The following FARS2 variants were observed in gnomAD, a reference collection of about 807,000 sequenced individuals.
The protein encoded by FARS2 is phenylalanyl-tRNA synthetase 2, mitochondrial, also known as phenylalanine--tRNA ligase, mitochondrial.
Under a neutral mutation model 46.4 loss-of-function variants are expected in FARS2, and 40 were observed. The observed-to-expected ratio is 0.86, with a 90% CI of 0.67 to 1.12. The LOEUF (loss-of-function observed/expected upper bound fraction) is 1.12. Among genes scored for constraint, FARS2 ranks in the 50% most tolerant of loss-of-function variants. The pLI is 0.00. For missense variants in FARS2, 513 were observed against 567.9 expected (o/e 0.90, Z 0.98); for synonymous variants, 234 against 214.9 (o/e 1.09, Z -0.78).
At chr6:5,291,177 G>C (rs920016433) in intron 1 of FARS2, 2 of 152,228 alleles carry the variant, frequency 1.3e-5, no homozygotes, top group African/African-American at 4.8e-5. Context: ...AACAGGCTTT[G>C]TTAGCATTTA....
At chr6:5,461,603 C>A (rs1410951064) in intron 4 of FARS2, among the ~76,000 whole-genome samples, 2 of 151,434 alleles carry the variant, frequency 1.3e-5, no homozygotes, top group African/African-American at 2.4e-5. Flanking sequence ...TGCTGTTGCC[C>A]AGACAGGAGT....
chr6:5,359,014 G>C (rs1032099833), intron 1 of FARS2, among the ~76,000 whole-genome samples: 5 of 135,798 alleles, frequency 3.7e-5, no homozygotes, highest in Non-Finnish European at 7.8e-5. Flanking sequence ...TCGAATTATA[G>C]TGATGAAAAG....
chr6:5,301,740 G>A (rs1006891305), intron 1 of FARS2, among the ~76,000 whole-genome samples: 1 of 150,134 alleles, frequency 6.7e-6, no homozygotes, highest in African/African-American at 2.4e-5. Flanking sequence ...TAACATTCTA[G>A]TTTTATTGAA....
At chr6:5,300,042 T>A (rs1173346963) in intron 1 of FARS2, among the ~76,000 whole-genome samples, 1 of 152,230 alleles carries the variant, frequency 6.6e-6, no homozygotes, top group Non-Finnish European at 1.5e-5. Flanking sequence ...ATGTCAAATT[T>A]AAAAATGTTT....
chr6:5,467,743 G>A (rs980419170), intron 4 of FARS2, among the ~76,000 whole-genome samples: 2 of 152,012 alleles, frequency 1.3e-5, no homozygotes, highest in Non-Finnish European at 2.9e-5. Context: ...GGACCTCTGT[G>A]TTTCCTATCA....
intron 5 of FARS2, among the ~76,000 whole-genome samples, chr6:5,572,910 A>G (rs1271656147): frequency 6.6e-6 from 1 of 152,196 alleles, no homozygotes; most frequent in Non-Finnish European, 1.5e-5. Flanking sequence ...TCATCCACAT[A>G]TCATGGTACT....
At chr6:5,251,190 A>T in the FARS2 span, among the ~76,000 whole-genome samples, 1 of 152,202 alleles carries the variant, frequency 6.6e-6, no homozygotes, top group Non-Finnish European at 1.5e-5. Context: ...ACACACACAC[A>T]CTGTGAGTTT....
Position 5,318,523 on chromosome 6 carries a change from A to G in FARS2, c.-21-50027A>G, listed in dbSNP as rs115140336. 5.5e-3 allele frequency among the ~76,000 whole-genome samples: 835 copies of G among 151,994 alleles called. 10 individuals carry two copies. Among genetic ancestry groups the G allele is most frequent in the African/African-American group, 0.019 (797 of 41,406 alleles). ...AGGAGTGCCAGAGTCTCACTATGTT[A>G]CCAGCTGAGGGTAGTTGTCCAGATT... On this transcript the variant is annotated intron_variant, in intron 1 of 6. Coordinates refer to ENST00000274680, the MANE Select transcript of FARS2 (RefSeq NM_006567.5).
chr6:5,511,093 T>A (rs555102126), intron 4 of FARS2, among the ~76,000 whole-genome samples: 1 of 152,168 alleles, frequency 6.6e-6, no homozygotes, highest in Non-Finnish European at 1.5e-5. Flanking sequence ...ATGGCACAAG[T>A]GTCCCACACT....
At chr6:5,278,544 A>G (rs1766497324) in intron 1 of FARS2, among the ~76,000 whole-genome samples, 1 of 152,238 alleles carries the variant, frequency 6.6e-6, no homozygotes, top group Admixed American at 6.5e-5. Flanking sequence ...TATTTTTATT[A>G]GTAAAATACT....
intron 1 of FARS2, among the ~76,000 whole-genome samples, chr6:5,273,897 T>C (rs1209877772): frequency 6.6e-6 from 1 of 152,228 alleles, no homozygotes; most frequent in African/African-American, 2.4e-5. Context: ...AGTGTTTTTT[T>C]TCCCCATTGT....
intron 1 of FARS2, among the ~76,000 whole-genome samples, chr6:5,283,339 C>T (rs963006036): frequency 1.4e-4 from 21 of 148,010 alleles, no homozygotes; most frequent in African/African-American, 5.3e-4. Flanking sequence ...TGCCATTTCA[C>T]TCCAGCCTGT....
chr6:5,615,456 C>T (rs1775420759), intron 6 of FARS2, among the ~76,000 whole-genome samples: 1 of 152,122 alleles, frequency 6.6e-6, no homozygotes, highest in Admixed American at 6.5e-5. Context: ...ATTTTAGCTC[C>T]CCCTGCTTTC....
chr6:5,762,062 T>C (rs1762505777), intron 6 of FARS2, among the ~76,000 whole-genome samples: 1 of 152,206 alleles, frequency 6.6e-6, no homozygotes, highest in Non-Finnish European at 1.5e-5. Context: ...TCATCTATGT[T>C]GTAGCATGTA....
At chr6:5,668,683 T>TG in intron 6 of FARS2, among the ~76,000 whole-genome samples, 1 of 137,734 alleles carries the variant, frequency 7.3e-6, no homozygotes, top group Non-Finnish European at 1.5e-5. Context: ...TTTGTGTGTT[T>TG]GGGTTTTTTT....
chr6:5,650,936 A>G (rs1444563113), intron 6 of FARS2, among the ~76,000 whole-genome samples: 2 of 152,180 alleles, frequency 1.3e-5, no homozygotes, highest in African/African-American at 4.8e-5. Flanking sequence ...AGCTTCCACC[A>G]ATTATTCACC....
intron 6 of FARS2, among the ~76,000 whole-genome samples, chr6:5,762,727 C>CA: frequency 6.6e-6 from 1 of 152,202 alleles, no homozygotes; most frequent in East Asian, 1.9e-4. Flanking sequence ...CTGCCTCCAT[C>CA]AAGGCCTGGA....
At chr6:5,431,652 C>T (rs1333102182) in intron 4 of FARS2, 3 of 532,890 alleles carry the variant, frequency 5.6e-6, no homozygotes, top group Admixed American at 1.9e-5. Flanking sequence ...CTTAATCCAT[C>T]ACCTCCCTCT....
upstream of FARS2, among the ~76,000 whole-genome samples, chr6:5,258,184 G>A (rs1764772845): frequency 6.6e-6 from 1 of 152,192 alleles, no homozygotes; most frequent in Admixed American, 6.5e-5. Context: ...TGAGACTGGA[G>A]GAGCAGACAG....
Sources: gnomAD v4.1 joint callset for allele counts (sites outside exome capture counted in the v4.1 genomes callset) on GRCh38, gnomAD v4.1.1 for gene constraint, MANE v1.5 for transcripts, NCBI Gene and HGNC (gene_info 2026-07-23, HGNC 2026-07-21) for gene names.